CADPS2: variants seen among roughly 807,000 people sequenced by gnomAD.
CADPS2 encodes calcium-dependent secretion activator 2.
In CADPS2, 93 loss-of-function variants were observed where a neutral mutation model predicts 172.5. The observed-to-expected ratio is 0.54, with a 90% CI of 0.46 to 0.64. The LOEUF (loss-of-function observed/expected upper bound fraction) is 0.64. Among genes scored for constraint, CADPS2 ranks in the 30% least tolerant of loss-of-function variants. The pLI, the probability that CADPS2 is intolerant of heterozygous loss-of-function variation, is 0.00. For missense variants in CADPS2, 1,420 were observed against 1,565.9 expected (o/e 0.91, Z 1.57); for synonymous variants, 546 against 555.2 (o/e 0.98, Z 0.23).
At chr7:122,477,389 G>A (rs1275135614) in intron 12 of CADPS2, among the ~76,000 whole-genome samples, 3 of 151,802 alleles carry the variant, frequency 2.0e-5, no homozygotes, top group South Asian at 2.1e-4. Flanking sequence ...GGTGGCAGGC[G>A]CCTGTAATCC....
At chr7:122,649,817 T>C (rs1245559221) in intron 3 of CADPS2, among the ~76,000 whole-genome samples, 1 of 151,430 alleles carries the variant, frequency 6.6e-6, no homozygotes, top group African/African-American at 2.4e-5. Flanking sequence ...ATTAATGCCT[T>C]GAGGGAAGGA....
chr7:122,580,017 G>A (rs2068592031), intron 7 of CADPS2, among the ~76,000 whole-genome samples: 1 of 152,056 alleles, frequency 6.6e-6, no homozygotes, highest in Non-Finnish European at 1.5e-5. Context: ...CTAGTATACA[G>A]AATGATCCTA....
chr7:122,621,762 T>C (rs2075628040), intron 4 of CADPS2, 45 bp from the exon 5 acceptor site: 1 of 1,059,648 alleles, frequency 9.4e-7, no homozygotes, highest in Non-Finnish European at 1.4e-6. Flanking sequence ...AAGTCATATT[T>C]CAATTTTATC....
rs5887092 is a variant in CADPS2 at position 122,506,727 on chromosome 7, T to TAA, written c.1542+6520_1542+6521dup. On this transcript the variant is annotated intron_variant, in intron 9 of 29. Transcript: ENST00000449022. ...GGCCAAAGGTGCTGCTAGAGTTATT[T>TAA]AAAAAAAAAAAAAAAACAAACAAAC... Among the ~76,000 whole-genome samples the TAA allele has an allele frequency of 1.5e-3, 220 of 142,028 alleles. 1 individual carries two copies. Among genetic ancestry groups the TAA allele is most frequent in the South Asian group, 2.0e-3 (9 of 4,438 alleles). The allele number at this position is 142,028 out of a possible 152,430, so 93.2% of individuals were successfully genotyped here.
chr7:122,834,801 G>T (rs1472915281), intron 1 of CADPS2, among the ~76,000 whole-genome samples: 1 of 152,204 alleles, frequency 6.6e-6, no homozygotes, highest in Non-Finnish European at 1.5e-5. Flanking sequence ...CTCGAACTGG[G>T]TGGAGCCCAC....
intron 1 of CADPS2, among the ~76,000 whole-genome samples, chr7:122,875,117 G>GTA (rs1820862767): frequency 6.6e-6 from 1 of 152,212 alleles, no homozygotes; most frequent in African/African-American, 2.4e-5. Flanking sequence ...ATGTGAGTGT[G>GTA]TATACGTTTG....
intron 4 of CADPS2, among the ~76,000 whole-genome samples, chr7:122,626,017 G>A (rs370621755): frequency 4.6e-5 from 7 of 152,256 alleles, no homozygotes; most frequent in African/African-American, 1.7e-4. Context: ...CCAAGACCCT[G>A]TGGCAAGGAA....
At position 122,399,690 on chromosome 7, in the gene CADPS2, T is replaced by C. The variant is rs1212328645; in HGVS notation, c.2747-6108A>G. ...TTTTTTTTTTTTTTTTTTTTTTTTT[T>C]TTTTTTTTTTTTTTGAGACGGAGTC... is the stretch of plus-strand genomic sequence containing the variant. On this transcript the variant is annotated intron_variant, in intron 20 of 29. Coordinates refer to ENST00000449022, the MANE Select transcript of CADPS2 (RefSeq NM_017954.11). Among the ~76,000 whole-genome samples the C allele has an allele frequency of 4.7e-5, 3 of 63,412 alleles. 1 individual carries two copies. The highest frequency in any genetic ancestry group is 6.6e-5 in the African/African-American group (1 of 15,082). The allele number at this position is 63,412 out of a possible 152,430, so 41.6% of individuals were successfully genotyped here. A position where few individuals can be genotyped will look rare whatever the true frequency, so the allele number is the denominator to read the frequency against.
intron 2 of CADPS2, among the ~76,000 whole-genome samples, chr7:122,706,204 G>A (rs1294193703): frequency 1.5e-5 from 1 of 65,646 alleles, no homozygotes. Context: ...TATATTCAAG[G>A]AATACATATA....
At chr7:122,824,655 GT>G (rs1241119525) in intron 1 of CADPS2, among the ~76,000 whole-genome samples, 1 of 152,100 alleles carries the variant, frequency 6.6e-6, no homozygotes, top group African/African-American at 2.4e-5. Context: ...TAGGCTGCAT[GT>G]TTTTTCCAAA....
chr7:122,501,392 G>C (rs1011320511), intron 9 of CADPS2, among the ~76,000 whole-genome samples: 2 of 152,124 alleles, frequency 1.3e-5, no homozygotes, highest in African/African-American at 4.8e-5. Flanking sequence ...ATCATAAGTA[G>C]TTAAATAAAG....
chr7:122,632,762 T>G (rs911801575), intron 3 of CADPS2, among the ~76,000 whole-genome samples: 2 of 152,212 alleles, frequency 1.3e-5, no homozygotes, highest in Admixed American at 1.3e-4. Context: ...AGCCATAAGT[T>G]ATTTGCCAAA....
chr7:122,330,866 G>T (rs10277785), intron 28 of CADPS2: 22,522 of 152,168 alleles, frequency 0.15, 1,721 homozygotes, highest in Middle Eastern at 0.16. Flanking sequence ...ACTATTTGCT[G>T]GATTGAGTCT....
intron 1 of CADPS2, among the ~76,000 whole-genome samples, chr7:122,743,261 C>T (rs2092578410): frequency 1.3e-5 from 2 of 152,202 alleles, no homozygotes; most frequent in South Asian, 4.1e-4. Context: ...ACAATAATAA[C>T]TGCCACCAGA....
chr7:122,490,684 T>C (rs2058200593), intron 10 of CADPS2, among the ~76,000 whole-genome samples: 1 of 148,868 alleles, frequency 6.7e-6, no homozygotes, highest in Non-Finnish European at 1.5e-5. Context: ...TCATATTGCA[T>C]GTATTTTATC....
intron 2 of CADPS2, among the ~76,000 whole-genome samples, chr7:122,728,094 A>C (rs1009823841): frequency 2.0e-5 from 3 of 152,004 alleles, no homozygotes; most frequent in East Asian, 3.9e-4. Context: ...AAAGGTATTT[A>C]GACAGGTCAA....
intron 14 of CADPS2, among the ~76,000 whole-genome samples, chr7:122,468,455 C>T (rs2055457627): frequency 6.6e-6 from 1 of 152,178 alleles, no homozygotes; most frequent in Non-Finnish European, 1.5e-5. Context: ...ATTACATACA[C>T]ATTGAAATAT....
At chr7:122,501,874 CAAAAAA>C (rs1173009562) in intron 9 of CADPS2, among the ~76,000 whole-genome samples, 4 of 42,168 alleles carry the variant, frequency 9.5e-5, no homozygotes, top group African/African-American at 2.6e-4. Context: ...GACTCCGTCT[CAAAAAA>C]AAAAAAAAAA....
intron 24 of CADPS2, among the ~76,000 whole-genome samples, chr7:122,382,064 A>G (rs959548427): frequency 9.9e-5 from 15 of 152,132 alleles, no homozygotes; most frequent in African/African-American, 3.6e-4. Context: ...CATTTTACAT[A>G]TATATTCTGC....
Sources: gnomAD v4.1 joint callset for allele counts (sites outside exome capture counted in the v4.1 genomes callset) on GRCh38, gnomAD v4.1.1 for gene constraint, MANE v1.5 for transcripts, NCBI Gene and HGNC (gene_info 2026-07-23, HGNC 2026-07-21) for gene names.